The following OSBPL11 variants were observed in gnomAD, a reference collection of about 807,000 sequenced individuals.
The protein encoded by OSBPL11 is oxysterol binding protein like 11.
OSBPL11 carries 33 observed loss-of-function variants against 84.4 expected under a neutral mutation model. The observed-to-expected ratio is 0.39, with a 90% CI of 0.30 to 0.52. OSBPL11 has a LOEUF of 0.52. Ranked by LOEUF, OSBPL11 falls within the 20% of genes least tolerant of loss-of-function variation. The pLI is 0.72. For synonymous variants in OSBPL11, 276 were observed against 310.2 expected, an observed-to-expected ratio of 0.89 and a Z score of 1.16; for missense variants, 736 against 901.1, an observed-to-expected ratio of 0.82 and a Z score of 2.35.
Position 125,562,979 on chromosome 3 carries a change from T to TA in OSBPL11, c.1014+718dup, listed in dbSNP as rs34751505. On this transcript the variant is annotated intron_variant, in intron 7 of 12. Transcript: ENST00000296220. ...AAGATAATAAAGTGTTATTTATAAT[T>TA]AAAAAAAAAACCCTCCAAACAATCT... Among the ~76,000 whole-genome samples, 83 of 147,932 alleles carry TA rather than the reference T, an allele frequency of 5.6e-4. 1 individual carries two copies. The highest frequency in any genetic ancestry group is 6.9e-3 in the Middle Eastern group (2 of 288).
chr3:125,570,262 T>A (rs1580055360), intron 5 of OSBPL11, among the ~76,000 whole-genome samples: 1 of 141,332 alleles, frequency 7.1e-6, no homozygotes, highest in African/African-American at 2.7e-5. Flanking sequence ...GAGGCCAGGG[T>A]GGGAGGGTCA....
At chr3:125,594,078 T>C (rs930474810) in intron 1 of OSBPL11, among the ~76,000 whole-genome samples, 4 of 152,248 alleles carry the variant, frequency 2.6e-5, no homozygotes, top group African/African-American at 9.6e-5. Context: ...CAACGCAAAC[T>C]GAACATCTCC....
At chr3:125,559,119 C>A (rs866589043) in intron 8 of OSBPL11, among the ~76,000 whole-genome samples, 1 of 152,280 alleles carries the variant, frequency 6.6e-6, no homozygotes, top group Middle Eastern at 3.4e-3. Flanking sequence ...ATAGCTACAA[C>A]AGAGACCTAT....
rs55960815 is a variant in OSBPL11 at position 125,543,712 on chromosome 3, C to T, written c.1841+3694G>A. Among the ~76,000 whole-genome samples the T allele has an allele frequency of 6.6e-5, 10 of 152,086 alleles. No individual in the cohort carries two copies. The South Asian group carries it at 1.7e-3, about 25-fold the overall frequency. On this transcript the variant is annotated intron_variant, in intron 10 of 12. Transcript: ENST00000296220. ...GGTCAGGAGTTCAAGACCAGCCTGG[C>T]CAACATGGCGAAACCCCGTCTCTAC... is the stretch of plus-strand genomic sequence containing the variant.
chr3:125,542,332 C>CT (rs201669800), intron 10 of OSBPL11, among the ~76,000 whole-genome samples: 6,556 of 95,098 alleles, frequency 0.069, 361 homozygotes, highest in African/African-American at 0.2. Flanking sequence ...TTTTTCTTTT[C>CT]TTTCTTTTTT....
At chr3:125,575,667 C>T (rs996553067) in intron 5 of OSBPL11, among the ~76,000 whole-genome samples, 2 of 149,784 alleles carry the variant, frequency 1.3e-5, no homozygotes, top group Non-Finnish European at 1.5e-5. Flanking sequence ...GTAGCTGGTA[C>T]GACAGGTGCA....
intron 4 of OSBPL11, 65 bp downstream of exon 4, chr3:125,578,895 G>C (rs1936375258): frequency 3.8e-6 from 4 of 1,043,286 alleles, no homozygotes; most frequent in Non-Finnish European, 4.1e-6. Flanking sequence ...AATTTTAAAA[G>C]GCAAAAAATA....
intron 5 of OSBPL11, among the ~76,000 whole-genome samples, chr3:125,574,066 C>T (rs1031557988): frequency 5.3e-5 from 8 of 152,046 alleles, no homozygotes; most frequent in African/African-American, 1.9e-4. Flanking sequence ...GCAGAGACCC[C>T]TGTGAGACTC....
At chr3:125,565,595 G>T (rs767729194) in intron 6 of OSBPL11, among the ~76,000 whole-genome samples, 6 of 152,202 alleles carry the variant, frequency 3.9e-5, no homozygotes, top group Non-Finnish European at 5.9e-5. Context: ...CTGGGATGGG[G>T]AGTATACTAA....
chr3:125,576,706 C>T (rs55981519), intron 4 of OSBPL11, among the ~76,000 whole-genome samples: 10,135 of 148,502 alleles, frequency 0.068, 458 homozygotes, highest in Non-Finnish European at 0.099. Context: ...CTTTTTGAGA[C>T]TGAGTCTCAC....
At chr3:125,533,807 T>C (rs886204202) in intron 11 of OSBPL11, among the ~76,000 whole-genome samples, 2 of 152,232 alleles carry the variant, frequency 1.3e-5, no homozygotes, top group African/African-American at 4.8e-5. Flanking sequence ...TCAATTGTAA[T>C]TGGTAATTTT....
chr3:125,592,707 T>A, intron 1 of OSBPL11, among the ~76,000 whole-genome samples: 1 of 152,106 alleles, frequency 6.6e-6, no homozygotes, highest in Middle Eastern at 3.4e-3. Context: ...CAAAATATTT[T>A]TAAAGGAATA....
Position 125,534,951 on chromosome 3 carries a change from G to GAAAAAAA in OSBPL11, c.2025-2944_2025-2938dup, listed in dbSNP as rs56164804. ...CCTAAGCTTCCATTGTAAGAAATTAGAAAAAAAAAAAAAAAAAAAAAAAAA... is the reference window on the plus strand; with the variant it reads ...CCTAAGCTTCCATTGTAAGAAATTAGAAAAAAAAAAAAAAAAAAAAAAAAAAAAAAAA... On this transcript the variant is annotated intron_variant, in intron 11 of 12. Transcript: ENST00000296220. Among the ~76,000 whole-genome samples, 19 of 64,656 alleles carry GAAAAAAA rather than the reference G, an allele frequency of 2.9e-4. 1 individual carries two copies. Among genetic ancestry groups the GAAAAAAA allele is most frequent in the Admixed American group, 5.6e-4 (3 of 5,394 alleles). The allele number at this position is 64,656 out of a possible 152,430, so 42.4% of individuals were successfully genotyped here. A position where few individuals can be genotyped will look rare whatever the true frequency, so the allele number is the denominator to read the frequency against.
chr3:125,548,532 CTAAT>C (rs1935853824), intron 9 of OSBPL11, among the ~76,000 whole-genome samples: 1 of 151,606 alleles, frequency 6.6e-6, no homozygotes, highest in South Asian at 2.1e-4. Context: ...TTAAGTGATG[CTAAT>C]TAAAGATGGT....
At chr3:125,574,480 G>GTTTTT (rs56689283) in intron 5 of OSBPL11, among the ~76,000 whole-genome samples, 1 of 135,364 alleles carries the variant, frequency 7.4e-6, no homozygotes. Flanking sequence ...CTGATTAGCA[G>GTTTTT]TTTTTTTTTT....
At chr3:125,531,276 C>A (rs1417585961) in intron 12 of OSBPL11, among the ~76,000 whole-genome samples, 3 of 149,500 alleles carry the variant, frequency 2.0e-5, no homozygotes, top group Admixed American at 1.3e-4. Flanking sequence ...CCGCGCCAGG[C>A]CCCCCAGCTC....
At chr3:125,587,098 G>T (rs1420020151) in intron 1 of OSBPL11, among the ~76,000 whole-genome samples, 2 of 152,040 alleles carry the variant, frequency 1.3e-5, no homozygotes, top group Non-Finnish European at 2.9e-5. Flanking sequence ...ACACACAATG[G>T]GACTACATTT....
At chr3:125,552,774 G>A (rs544198294) in intron 8 of OSBPL11, 95 bp from the exon 9 acceptor site, 35 of 1,380,856 alleles carry the variant, frequency 2.5e-5, no homozygotes, top group Non-Finnish European at 3.2e-5. Context: ...CATTCTAGAT[G>A]GGTATTAAAA....
At chr3:125,585,016 G>A (rs1936485122) in intron 1 of OSBPL11, among the ~76,000 whole-genome samples, 1 of 152,158 alleles carries the variant, frequency 6.6e-6, no homozygotes, top group African/African-American at 2.4e-5. Context: ...CTGGGCTCAA[G>A]CGATCTTTCC....
Sources: allele counts gnomAD v4.1 joint callset (sites outside exome capture counted in the v4.1 genomes callset), GRCh38; gene constraint gnomAD v4.1.1; transcripts MANE v1.5; gene names NCBI Gene and HGNC (gene_info 2026-07-23, HGNC 2026-07-21).